Variants in KYNU observed in about 807,000 individuals in gnomAD.
KYNU encodes kynureninase, also known as L-kynurenine hydrolase.
Under a neutral mutation model 59.2 loss-of-function variants are expected in KYNU, and 54 were observed. The ratio of observed to expected loss-of-function variants is 0.91; its 90% CI spans 0.73 to 1.14. The LOEUF is 1.14. KYNU is among the 50% of genes most tolerant of loss of function. KYNU has a pLI of 0.00. For missense variants in KYNU, 567 were observed against 554.4 expected, an observed-to-expected ratio of 1.02 and a Z score of -0.23; for synonymous variants, 177 against 192.0, an observed-to-expected ratio of 0.92 and a Z score of 0.65.
rs1558990201 is a variant in KYNU at position 143,042,608 on chromosome 2, A to ATGTG, written c.*437_*438insGTGT. Reference sequence around the variant, plus strand: ...GATATATATATATATATATATATATATATATATATATATATATATATATGT... The same window carrying ATGTG: ...GATATATATATATATATATATATATATGTGTATATATATATATATATATATATGT... On this transcript the variant is annotated 3_prime_UTR_variant, in exon 14 of 14. Transcript: ENST00000264170. The ATGTG allele has an allele frequency of 6.9e-4, 8 of 11,580 alleles. No individual in the cohort carries two copies. The highest frequency in any genetic ancestry group is 2.2e-3 in the Non-Finnish European group (4 of 1,792). The allele number at this position is 11,580 out of a possible 1,614,324, so 0.7% of individuals were successfully genotyped here. A position where few individuals can be genotyped will look rare whatever the true frequency, so the allele number is the denominator to read the frequency against.
At chr2:142,989,487 G>T (rs1354975108) in intron 10 of KYNU, 3 of 984,768 alleles carry the variant, frequency 3.0e-6, no homozygotes, top group African/African-American at 1.7e-5. Context: ...CTTAAAAAGG[G>T]TGACATCTAG....
chr2:143,033,423 T>C, intron 12 of KYNU, 102 bp downstream of exon 12: 3 of 861,952 alleles, frequency 3.5e-6, no homozygotes, highest in South Asian at 2.6e-5. Context: ...AGATGATACA[T>C]GTGCACTGTG....
At chr2:142,955,906 C>T (rs189720586) in intron 5 of KYNU, among the ~76,000 whole-genome samples, 2 of 152,156 alleles carry the variant, frequency 1.3e-5, no homozygotes, top group Non-Finnish European at 2.9e-5. Context: ...TGTTAATCAT[C>T]AGACTTTAAG....
chr2:142,949,980 A>C (rs1683933809), intron 4 of KYNU, among the ~76,000 whole-genome samples: 1 of 152,150 alleles, frequency 6.6e-6, no homozygotes, highest in Non-Finnish European at 1.5e-5. Flanking sequence ...AGATACCCTA[A>C]ATAATCCCTC....
chr2:143,012,355 T>C (rs1333214677), intron 10 of KYNU, among the ~76,000 whole-genome samples: 2 of 151,868 alleles, frequency 1.3e-5, no homozygotes, highest in African/African-American at 2.4e-5. Flanking sequence ...TAGTGGTGCA[T>C]GCCTGTAATC....
At chr2:142,934,599 A>C (rs1288266432) in intron 4 of KYNU, among the ~76,000 whole-genome samples, 1 of 152,168 alleles carries the variant, frequency 6.6e-6, no homozygotes, top group African/African-American at 2.4e-5. Flanking sequence ...GGGAGAACTC[A>C]GTGGGTCCTG....
At chr2:142,899,474 A>T (rs1196587917) in intron 2 of KYNU, among the ~76,000 whole-genome samples, 5 of 152,148 alleles carry the variant, frequency 3.3e-5, no homozygotes, top group African/African-American at 4.8e-5. Flanking sequence ...TAGAAAATCC[A>T]GCTAGTCCTG....
chr2:142,902,369 T>C lies in KYNU; in HGVS notation c.170-16240T>C, dbSNP rs114848794. 7.6e-3 allele frequency among the ~76,000 whole-genome samples: 1,162 copies of C among 152,312 alleles called. 7 individuals carry two copies. Among genetic ancestry groups the C allele is most frequent in the African/African-American group, 0.027 (1,114 of 41,564 alleles). On this transcript the variant is annotated intron_variant, in intron 2 of 13. Transcript: ENST00000264170. ...ACTGAGTCTTGGGTTAAGGCCTTTT[T>C]TTAGGGCCTGGAAAGCTGCTTTTGC...
chr2:143,037,432 A>AAATGGC (rs1363031637), intron 12 of KYNU, among the ~76,000 whole-genome samples: 2 of 152,226 alleles, frequency 1.3e-5, no homozygotes, highest in African/African-American at 4.8e-5. Flanking sequence ...ATAATGAAAT[A>AAATGGC]AATGGCTTCA....
chr2:142,989,274 A>C (rs1015440291), intron 10 of KYNU: 5 of 555,354 alleles, frequency 9.0e-6, no homozygotes, highest in Non-Finnish European at 1.2e-5. Context: ...AGTTGTTAGC[A>C]TTCCACGATT....
rs1398947878 is a variant in KYNU at position 142,937,379 on chromosome 2, T to G, written c.373+9638T>G. Among the ~76,000 whole-genome samples, 8 of 152,212 alleles carry G rather than the reference T, an allele frequency of 5.3e-5. No individual in the cohort carries two copies. The East Asian group carries it at 1.5e-3, about 29-fold the overall frequency. On this transcript the variant is annotated intron_variant, in intron 4 of 13. Coordinates refer to ENST00000264170, the MANE Select transcript of KYNU (RefSeq NM_003937.3). ...CCCCACACAGGAGGCTGGACAAGTCTACTCTGTTATCTGCACAACCTAAAG... is the reference window on the plus strand; with the variant it reads ...CCCCACACAGGAGGCTGGACAAGTCGACTCTGTTATCTGCACAACCTAAAG...
chr2:142,962,863 T>C (rs979984068), intron 8 of KYNU, among the ~76,000 whole-genome samples: 5 of 152,174 alleles, frequency 3.3e-5, no homozygotes, highest in Non-Finnish European at 7.4e-5. Flanking sequence ...TAGACTTCGA[T>C]AGGTCTCTCT....
rs777913012 is a variant in KYNU at position 142,986,021 on chromosome 2, C to T, written c.902C>T (p.Ala301Val). The T allele has an allele frequency of 1.1e-5, 18 of 1,603,476 alleles. No homozygotes were observed. In the Middle Eastern group the frequency reaches 5.0e-4, roughly 44 times the overall value. Residue 301 changes from alanine to valine, a missense_variant and splice_region_variant, in exon 10 of 14, where the codon GCA becomes GTA. Physicochemically the swap from Ala to Val is moderately conservative, Grantham distance 64. Coordinates refer to ENST00000264170, the MANE Select transcript of KYNU (RefSeq NM_003937.3). ...HEKHAHTIKP[A>V]LVGWFGHELS... ...AAGCATGCCCATACGATTAAACCTG[C>T]GTGAGTACCATCTTCAGCTAATTCT...
chr2:142,973,767 G>C (rs776736296), intron 8 of KYNU, among the ~76,000 whole-genome samples: 2 of 152,016 alleles, frequency 1.3e-5, no homozygotes, highest in Non-Finnish European at 2.9e-5. Context: ...TTTACGTCAG[G>C]CTCTGGGTTT....
chr2:142,911,592 A>C (rs1682481455), intron 2 of KYNU, among the ~76,000 whole-genome samples: 1 of 151,888 alleles, frequency 6.6e-6, no homozygotes, highest in Admixed American at 6.6e-5. Flanking sequence ...TACTATATTG[A>C]GTAGGAGTGG....
chr2:142,899,913 C>G (rs1361174455), intron 2 of KYNU, among the ~76,000 whole-genome samples: 1 of 152,120 alleles, frequency 6.6e-6, no homozygotes, highest in Non-Finnish European at 1.5e-5. Context: ...GCTATCAATG[C>G]CTAAGTGAAA....
intron 11 of KYNU, among the ~76,000 whole-genome samples, chr2:143,030,670 T>G (rs1301404477): frequency 6.6e-6 from 1 of 151,950 alleles, no homozygotes; most frequent in Non-Finnish European, 1.5e-5. Context: ...TTATTATTAT[T>G]ATTTAGTGGA....
intron 2 of KYNU, among the ~76,000 whole-genome samples, chr2:142,914,883 T>A (rs887627313): frequency 6.6e-6 from 1 of 152,186 alleles, no homozygotes; most frequent in Non-Finnish European, 1.5e-5. Flanking sequence ...GAAATCACCA[T>A]GTTTGGTGGA....
Position 143,055,182 on chromosome 2 carries a change from C to T in KYNU, c.*13010C>T, listed in dbSNP as rs962453790. On this transcript the variant is annotated 3_prime_UTR_variant, in exon 14 of 14. Transcript: ENST00000264170. The stretch of plus-strand genomic sequence containing the variant: ...CAAAAAACATAGTGACTGAAAATAA[C>T]CCACATTTATTATCTTACAGTTCCA... The T allele has an allele frequency of 6.6e-6, 1 of 152,132 alleles. No homozygotes were observed. The highest frequency in any genetic ancestry group is 1.5e-5 in the Non-Finnish European group (1 of 68,018). The allele number at this position is 152,132 out of a possible 1,614,324, so 9.4% of individuals were successfully genotyped here.
Sources: gnomAD v4.1 joint callset for allele counts (sites outside exome capture counted in the v4.1 genomes callset) on GRCh38, gnomAD v4.1.1 for gene constraint, MANE v1.5 for transcripts, NCBI Gene and HGNC (gene_info 2026-07-23, HGNC 2026-07-21) for gene names.